FAM83G: variants seen among roughly 807,000 people sequenced by gnomAD.
FAM83G encodes the protein protein FAM83G.
In FAM83G, 38 loss-of-function variants were observed where a neutral mutation model predicts 61.5. That is an observed-to-expected ratio of 0.62 (90% confidence interval 0.48 to 0.81). The LOEUF (loss-of-function observed/expected upper bound fraction) is 0.81. Ranked by LOEUF, FAM83G falls within the 30% of genes least tolerant of loss-of-function variation. FAM83G has a pLI of 0.00. For missense variants in FAM83G, 989 were observed against 1,133.6 expected, an observed-to-expected ratio of 0.87 and a Z score of 1.83; for synonymous variants, 470 against 476.1, an observed-to-expected ratio of 0.99 and a Z score of 0.17.
intron 3 of FAM83G, among the ~76,000 whole-genome samples, chr17:18,987,639 C>G (rs1597868015): frequency 6.6e-6 from 1 of 152,242 alleles, no homozygotes; most frequent in Non-Finnish European, 1.5e-5. Context: ...CCATCGGCAG[C>G]CTTCTCTGAT....
intron 2 of FAM83G, among the ~76,000 whole-genome samples, chr17:18,992,091 G>A (rs2043440634): frequency 6.6e-6 from 1 of 152,168 alleles, no homozygotes; most frequent in Non-Finnish European, 1.5e-5. Context: ...GGCTCCTGGT[G>A]CCCAAACACC....
chr17:18,986,902 A>G (rs1044426901), intron 3 of FAM83G, among the ~76,000 whole-genome samples: 10 of 152,198 alleles, frequency 6.6e-5, no homozygotes, highest in Non-Finnish European at 1.2e-4. Flanking sequence ...GGCATGAGCT[A>G]TCTGCCACTG....
chr17:19,005,566 G>A (rs7218780), upstream of FAM83G, among the ~76,000 whole-genome samples: 7,933 of 152,212 alleles, frequency 0.052, 286 homozygotes, highest in African/African-American at 0.09. Context: ...TACTTGCTCT[G>A]GATCTGGATG....
chr17:18,989,560 G>A (rs1223398506), intron 2 of FAM83G, among the ~76,000 whole-genome samples: 1 of 152,214 alleles, frequency 6.6e-6, no homozygotes, highest in African/African-American at 2.4e-5. Context: ...TGGCTTCTCT[G>A]GACCCAGTTT....
intron 3 of FAM83G, among the ~76,000 whole-genome samples, chr17:18,983,034 T>C (rs1318669698): frequency 6.6e-6 from 1 of 152,182 alleles, no homozygotes; most frequent in African/African-American, 2.4e-5. Flanking sequence ...CAGTGGGCTG[T>C]GGGGGACCAA....
Position 18,978,330 on chromosome 17 carries a change from G to A in FAM83G, c.1336C>T (p.Arg446Cys), listed in dbSNP as rs1205334812. The A allele has an allele frequency of 1.9e-6, 3 of 1,606,490 alleles. No homozygotes were observed. Among genetic ancestry groups the A allele is most frequent in the East Asian group, 2.2e-5 (1 of 44,640 alleles). ...IWNPQPSQMN[R>C]IKIRDTSQAS... The stretch of plus-strand genomic sequence containing the variant: ...TGGGAGGTGTCACGGATCTTGATGC[G>A]GTTCATCTGGCTGGGCTGGGGGTTC... Residue 446 changes from arginine (R) to cysteine (C), a missense_variant, in exon 5 of 6, where the codon CGC becomes TGC. Transcript: ENST00000388995.
chr17:18,983,121 G>T (rs988173936), intron 3 of FAM83G, among the ~76,000 whole-genome samples: 4 of 152,250 alleles, frequency 2.6e-5, no homozygotes, highest in African/African-American at 9.6e-5. Context: ...TGGGTGGGTG[G>T]TTGGTGGGCT....
At position 18,969,140 on chromosome 17, in the gene FAM83G, C is replaced by G; in HGVS notation, c.*2219G>C. The G allele has an allele frequency of 6.2e-7, 1 of 1,614,006 alleles. No individual in the cohort carries two copies. Among genetic ancestry groups the G allele is most frequent in the Non-Finnish European group, 8.5e-7 (1 of 1,179,952 alleles). ...ACCATCCTCACGCTCGGCATCACAG[C>G]CCTGTACACCATCGCAGGTATGGTG... is the stretch of plus-strand genomic sequence containing the variant. On this transcript the variant is annotated 3_prime_UTR_variant, in exon 6 of 6. Transcript: ENST00000388995.
chr17:18,988,707 G>A (rs1041222641), intron 2 of FAM83G, among the ~76,000 whole-genome samples: 4 of 152,260 alleles, frequency 2.6e-5, no homozygotes, highest in Non-Finnish European at 5.9e-5. Flanking sequence ...GGAATGCTGA[G>A]ATGAACCTGA....
chr17:18,975,364 C>T (rs957721648), intron 5 of FAM83G, among the ~76,000 whole-genome samples: 7 of 152,142 alleles, frequency 4.6e-5, no homozygotes, highest in South Asian at 2.1e-4. Flanking sequence ...GGGAGCCGTC[C>T]GTTAAACTAG....
chr17:18,973,056 C>A (rs2042894409), intron 5 of FAM83G, among the ~76,000 whole-genome samples: 1 of 152,222 alleles, frequency 6.6e-6, no homozygotes, highest in Non-Finnish European at 1.5e-5. Flanking sequence ...CATGTGGGCT[C>A]ACAGCAGGCG....
chr17:18,984,290 G>A (rs1207090789), intron 3 of FAM83G, among the ~76,000 whole-genome samples: 4 of 138,928 alleles, frequency 2.9e-5, no homozygotes, highest in East Asian at 2.1e-4. Flanking sequence ...TGCAGTTCAC[G>A]CCACTGCAGT....
rs1178487945 is a variant in FAM83G, at chr17:19,000,331, G to T, written c.522+3189C>A. On this transcript the variant is annotated intron_variant, in intron 2 of 5. Transcript: ENST00000388995. This position sits in a 1 kb window ranked among gnomAD's most constrained non-coding sequence, Gnocchi z 5.2. ...GGGCAGCAAGGTGTCAGGGCTGAAG[G>T]GGCCCCTAACAGTCTTCAATACCTG... Among the ~76,000 whole-genome samples the T allele has an allele frequency of 6.6e-6, 1 of 152,168 alleles. No homozygotes were observed. The highest frequency in any genetic ancestry group is 1.5e-5 in the Non-Finnish European group (1 of 68,022).
chr17:18,971,850 G>A lies in FAM83G; in HGVS notation c.2083-102C>T, dbSNP rs1452267163. On this transcript the variant is annotated intron_variant, in intron 5 of 5. Transcript: ENST00000388995. This position sits in a 1 kb window ranked among gnomAD's most constrained non-coding sequence, Gnocchi z 5.5. Reference sequence around the variant, plus strand: ...CACAGGAGCCGGCAGGCCCGGGTTCGCCTCCTGGCTCTGCCATTCACCAGG... The same window carrying A: ...CACAGGAGCCGGCAGGCCCGGGTTCACCTCCTGGCTCTGCCATTCACCAGG... 26 of 1,319,036 alleles carry A rather than the reference G, an allele frequency of 2.0e-5. No individual in the cohort carries two copies. The highest frequency in any genetic ancestry group is 5.9e-5 in the African/African-American group (4 of 67,442). The allele number at this position is 1,319,036 out of a possible 1,614,324, so 81.7% of individuals were successfully genotyped here. A position where few individuals can be genotyped will look rare whatever the true frequency, so the allele number is the denominator to read the frequency against.
intron 2 of FAM83G, among the ~76,000 whole-genome samples, chr17:18,991,348 A>G (rs1418258486): frequency 2.0e-5 from 3 of 152,222 alleles, no homozygotes; most frequent in African/African-American, 7.2e-5. Flanking sequence ...TGGCTTCCCC[A>G]TCTGTCAAAT....
chr17:18,980,932 G>A (rs916175715), intron 3 of FAM83G, among the ~76,000 whole-genome samples: 2 of 152,112 alleles, frequency 1.3e-5, no homozygotes, highest in African/African-American at 4.8e-5. Context: ...ACTCCCTCCC[G>A]AGGGGCTCTG....
In FAM83G at chr17:19,004,078, T is replaced by C; in HGVS notation, c.-37A>G. 1 of 1,550,192 alleles carries C rather than the reference T, an allele frequency of 6.5e-7. No homozygotes were observed. The highest frequency in any genetic ancestry group is 8.7e-7 in the Non-Finnish European group (1 of 1,148,176). Reference sequence around the variant, plus strand: ...CCCGGGCACTGCTGCCGGGGGTGGGTGGGCAAGGTCCAGCTCCTAGCTCCG... The same window carrying C: ...CCCGGGCACTGCTGCCGGGGGTGGGCGGGCAAGGTCCAGCTCCTAGCTCCG... On this transcript the variant is annotated 5_prime_UTR_variant, in exon 2 of 6. Transcript: ENST00000388995. This position sits in a 1 kb window ranked among gnomAD's most constrained non-coding sequence, Gnocchi z 5.4.
intron 2 of FAM83G, among the ~76,000 whole-genome samples, chr17:18,988,718 T>C (rs937874962): frequency 2.6e-5 from 4 of 152,244 alleles, no homozygotes; most frequent in Non-Finnish European, 5.9e-5. Context: ...ATGAACCTGA[T>C]GTGTCAATGA....
At chr17:19,002,029 GCA>G (rs1181285398) in intron 2 of FAM83G, among the ~76,000 whole-genome samples, 1 of 152,184 alleles carries the variant, frequency 6.6e-6, no homozygotes, top group Non-Finnish European at 1.5e-5. Flanking sequence ...TCCCCATCAG[GCA>G]CAGACATCAG....
Sources: allele counts gnomAD v4.1 joint callset (sites outside exome capture counted in the v4.1 genomes callset), GRCh38; gene constraint gnomAD v4.1.1; non-coding constraint Gnocchi (gnomAD v3.1); transcripts MANE v1.5; gene names NCBI Gene and HGNC (gene_info 2026-07-23, HGNC 2026-07-21).